Variants in KCNH1 observed in about 807,000 individuals in gnomAD.
The protein encoded by KCNH1 is voltage-gated delayed rectifier potassium channel KCNH1.
KCNH1 carries 27 observed loss-of-function variants against 69.2 expected under a neutral mutation model. The ratio of observed to expected loss-of-function variants is 0.39; its 90% CI spans 0.29 to 0.54. The LOEUF is 0.54. Ranked by LOEUF, KCNH1 falls within the 20% of genes least tolerant of loss-of-function variation. KCNH1 has a pLI of 0.68. For synonymous variants in KCNH1, 456 were observed against 487.7 expected, an observed-to-expected ratio of 0.93 and a Z score of 0.86; for missense variants, 798 against 1,261.6, an observed-to-expected ratio of 0.63 and a Z score of 5.57.
intron 4 of KCNH1, among the ~76,000 whole-genome samples, chr1:211,087,658 CA>C: frequency 1.3e-5 from 2 of 151,850 alleles, no homozygotes; most frequent in South Asian, 4.2e-4. Flanking sequence ...CACACACACA[CA>C]CACACCCCAG....
At chr1:211,005,605 C>A (rs115129410) in intron 6 of KCNH1, among the ~76,000 whole-genome samples, 1,915 of 152,174 alleles carry the variant, frequency 0.013, 41 homozygotes, top group African/African-American at 0.044. Flanking sequence ...ACACGATAAT[C>A]AGTCTAAGTG....
At chr1:210,983,526 G>T (rs979987029) in intron 6 of KCNH1, among the ~76,000 whole-genome samples, 5 of 152,192 alleles carry the variant, frequency 3.3e-5, no homozygotes, top group Admixed American at 2.0e-4. Flanking sequence ...ATTAAATAGG[G>T]AATCCTTTCC....
chr1:211,097,203 T>C (rs954708568), intron 3 of KCNH1, among the ~76,000 whole-genome samples: 1 of 152,190 alleles, frequency 6.6e-6, no homozygotes, highest in Non-Finnish European at 1.5e-5. Flanking sequence ...ATGGGACAGC[T>C]GAATAAGCAA....
At chr1:210,929,543 CAT>C (rs1173582102) in intron 6 of KCNH1, among the ~76,000 whole-genome samples, 1 of 152,112 alleles carries the variant, frequency 6.6e-6, no homozygotes, top group Non-Finnish European at 1.5e-5. Context: ...TAATAAAAGC[CAT>C]CTATGACAAA....
intron 7 of KCNH1, among the ~76,000 whole-genome samples, chr1:210,913,485 G>A (rs939081316): frequency 2.6e-5 from 4 of 152,012 alleles, no homozygotes; most frequent in Non-Finnish European, 5.9e-5. Flanking sequence ...CCAAAAAGTT[G>A]TTATACATCA....
At chr1:210,795,353 C>T (rs1684288309) in intron 9 of KCNH1, among the ~76,000 whole-genome samples, 1 of 152,034 alleles carries the variant, frequency 6.6e-6, no homozygotes, top group Non-Finnish European at 1.5e-5. Context: ...TGCCATGTTG[C>T]CCAGGTTGGT....
At chr1:210,934,362 A>T (rs1687735173) in intron 6 of KCNH1, among the ~76,000 whole-genome samples, 1 of 152,204 alleles carries the variant, frequency 6.6e-6, no homozygotes, top group South Asian at 2.1e-4. Flanking sequence ...CTGATTAAGA[A>T]TTGGCAGATG....
chr1:210,913,554 T>C (rs1448100192), intron 7 of KCNH1, among the ~76,000 whole-genome samples: 1 of 152,202 alleles, frequency 6.6e-6, no homozygotes, highest in East Asian at 1.9e-4. Flanking sequence ...CTCTTACCTC[T>C]AATCCACAAA....
intron 7 of KCNH1, among the ~76,000 whole-genome samples, chr1:210,840,507 A>G (rs941618865): frequency 6.6e-6 from 1 of 152,192 alleles, no homozygotes; most frequent in African/African-American, 2.4e-5. Context: ...GCATTTGGTG[A>G]AGGGAACCTG....
At chr1:210,913,579 C>A (rs542914983) in intron 7 of KCNH1, among the ~76,000 whole-genome samples, 1 of 152,118 alleles carries the variant, frequency 6.6e-6, no homozygotes, top group Non-Finnish European at 1.5e-5. Context: ...GAGGATACAG[C>A]CCAAACCACA....
intron 7 of KCNH1, among the ~76,000 whole-genome samples, chr1:210,824,019 T>C (rs1684986813): frequency 6.6e-6 from 1 of 152,132 alleles, no homozygotes; most frequent in African/African-American, 2.4e-5. Flanking sequence ...CAGTCTGGTC[T>C]TGAACTCCTG....
At chr1:210,844,558 T>G (rs1168955184) in intron 7 of KCNH1, among the ~76,000 whole-genome samples, 4 of 152,134 alleles carry the variant, frequency 2.6e-5, no homozygotes, top group South Asian at 2.1e-4. Context: ...TACCAGAATC[T>G]CTGGGACACA....
In KCNH1 at chr1:211,133,955, A is replaced by T; in HGVS notation, c.-10T>A. ...CCCCAGCCATGGTCATCCTCCCAGCAGCTCGGGGTCCGGCGGGCGTCCTGG... is the reference window on the plus strand; with the variant it reads ...CCCCAGCCATGGTCATCCTCCCAGCTGCTCGGGGTCCGGCGGGCGTCCTGG... On this transcript the variant is annotated 5_prime_UTR_variant, in exon 1 of 11. Transcript: ENST00000271751. The surrounding 1 kb of genome is among the most constrained non-coding windows in gnomAD (Gnocchi z 5.4). 1 of 1,606,542 alleles carries T rather than the reference A, an allele frequency of 6.2e-7. No individual in the cohort carries two copies. Among genetic ancestry groups the T allele is most frequent in the African/African-American group, 1.3e-5 (1 of 74,434 alleles).
intron 1 of KCNH1, among the ~76,000 whole-genome samples, chr1:211,110,008 A>G (rs1373337361): frequency 6.6e-6 from 1 of 151,620 alleles, no homozygotes; most frequent in Non-Finnish European, 1.5e-5. Flanking sequence ...AGAAAGAGAA[A>G]GAGACAAGAA....
chr1:210,747,333 C>T (rs1049350438), intron 10 of KCNH1, among the ~76,000 whole-genome samples: 2 of 151,846 alleles, frequency 1.3e-5, no homozygotes, highest in Admixed American at 1.3e-4. Context: ...GCTCGGCAAC[C>T]GAGATAGAAA....
At chr1:210,799,939 C>A (rs1684397915) in intron 8 of KCNH1, among the ~76,000 whole-genome samples, 1 of 152,228 alleles carries the variant, frequency 6.6e-6, no homozygotes. Flanking sequence ...GAGTTGAAAT[C>A]CCAGCTCCTT....
intron 7 of KCNH1, among the ~76,000 whole-genome samples, chr1:210,870,041 G>A (rs1015109214): frequency 6.6e-6 from 1 of 152,136 alleles, no homozygotes; most frequent in Non-Finnish European, 1.5e-5. Context: ...TCTTGAGTGT[G>A]TATTGTGGTC....
At chr1:210,876,764 T>A (rs1396248258) in intron 7 of KCNH1, among the ~76,000 whole-genome samples, 1 of 152,058 alleles carries the variant, frequency 6.6e-6, no homozygotes, top group African/African-American at 2.4e-5. Flanking sequence ...CACAAAGCGC[T>A]CAGCTCTGTA....
intron 5 of KCNH1, among the ~76,000 whole-genome samples, chr1:211,046,054 T>C (rs1354299165): frequency 6.6e-6 from 1 of 152,222 alleles, no homozygotes; most frequent in Non-Finnish European, 1.5e-5. Flanking sequence ...CATAGTGTTA[T>C]ACACCCTATT....
Sources: allele counts gnomAD v4.1 joint callset (sites outside exome capture counted in the v4.1 genomes callset), GRCh38; gene constraint gnomAD v4.1.1; non-coding constraint Gnocchi (gnomAD v3.1); transcripts MANE v1.5; gene names NCBI Gene and HGNC (gene_info 2026-07-23, HGNC 2026-07-21).